The following C1S variants were observed in gnomAD, a reference collection of about 807,000 sequenced individuals.
The protein encoded by C1S is complement C1s subcomponent.
A neutral mutation model predicts 54.0 loss-of-function variants in C1S; 31 were observed. That is an observed-to-expected ratio of 0.57 (90% CI 0.43 to 0.78). C1S has a LOEUF of 0.78. Ranked by LOEUF, C1S falls within the 30% of genes least tolerant of loss-of-function variation. The pLI is 0.00. For synonymous variants in C1S, 292 were observed against 303.6 expected (o/e 0.96, Z 0.40); for missense variants, 727 against 851.8 (o/e 0.85, Z 1.82).
In C1S at chr12:7,070,453, G is replaced by A. The variant is rs1555163081; in HGVS notation, c.1869G>A (p.Lys623=). 2 of 1,614,248 alleles carry A rather than the reference G, an allele frequency of 1.2e-6. No individual in the cohort carries two copies. Among genetic ancestry groups the A allele is most frequent in the Admixed American group, 3.3e-5 (2 of 60,032 alleles). ...TPNMICAGGE[K]GMDSCKGDSG... is the part of the protein sequence containing the mutation. ...ACATGATCTGTGCTGGAGGAGAGAA[G>A]GGCATGGATAGCTGTAAAGGGGACA... The change falls in exon 12 of 12, where the codon AAG becomes AAA. Residue 623 remains lysine (K), a synonymous_variant. Transcript: ENST00000360817. The surrounding 1 kb of genome is among the most constrained non-coding windows in gnomAD (Gnocchi z 4.9).
intron 4 of C1S, chr12:7,063,481 A>G (rs1947127345): frequency 1.8e-5 from 7 of 394,236 alleles, no homozygotes; most frequent in African/African-American, 1.0e-4. Flanking sequence ...ATTTAAACCC[A>G]TTCAATATAT....
At position 7,069,913 on chromosome 12, in the gene C1S, T is replaced by C. The variant is rs1474881114; in HGVS notation, c.1329T>C (p.Asp443=). ...AACAGAGGATAATTGGAGGATCCGA[T>C]GCAGATATTAAAAACTTCCCCTGGC... ...EEKQRIIGGS[D]ADIKNFPWQV... is the part of the protein sequence containing the mutation. The change falls in exon 12 of 12, where the codon GAT becomes GAC. Residue 443 remains aspartate, a synonymous_variant. Coordinates refer to ENST00000360817, the MANE Select transcript of C1S (RefSeq NM_001734.5). 6.2e-6 allele frequency: 10 copies of C among 1,614,022 alleles called. No individual in the cohort carries two copies. The African/African-American group carries it at 1.3e-4, about 22-fold the overall frequency.
intron 5 of C1S, 142 bp from the exon 6 acceptor site, chr12:7,064,958 C>G (rs1490315021): frequency 3.4e-5 from 24 of 705,342 alleles, no homozygotes; most frequent in African/African-American, 5.3e-5. Flanking sequence ...TGTAATTGCT[C>G]TATCCCTCCA....
Position 7,068,573 on chromosome 12 carries a change from G to A in C1S, c.1270+43G>A, listed in dbSNP as rs73046137. 3.7e-6 allele frequency: 5 copies of A among 1,337,276 alleles called. No homozygotes were observed. In the South Asian group the frequency reaches 5.9e-5, roughly 16 times the overall value. 82.8% of individuals were successfully genotyped at this position (1,337,276 alleles called of 1,614,324 possible). A position where few individuals can be genotyped will look rare whatever the true frequency, so the allele number is the denominator to read the frequency against. ...TTGGGGAGAGATGATAGCCATGGGT[G>A]ACTGGGAGTCACCTTCTGAAAGCAA... is the stretch of plus-strand genomic sequence containing the variant. On this transcript the variant is annotated intron_variant, in intron 11 of 11. Transcript: ENST00000360817.
rs782328294 is a variant in C1S at position 7,070,207 on chromosome 12, G to A, written c.1623G>A (p.Met541Ile). The part of the protein sequence containing the change: ...ALVRLKDPVK[M>I]GPTVSPICLP... Reference sequence around the variant, plus strand: ...TGCGGCTGAAAGACCCAGTGAAAATGGGACCCACCGTCTCTCCCATCTGCC... The same window carrying A: ...TGCGGCTGAAAGACCCAGTGAAAATAGGACCCACCGTCTCTCCCATCTGCC... Residue 541 changes from methionine to isoleucine, a missense_variant, in exon 12 of 12, where the codon ATG (methionine) becomes ATA (isoleucine). Transcript: ENST00000360817. This position sits in a 1 kb window ranked among gnomAD's most constrained non-coding sequence, Gnocchi z 4.9. The A allele has an allele frequency of 4.3e-6, 7 of 1,614,024 alleles. No homozygotes were observed. Among genetic ancestry groups the A allele is most frequent in the Non-Finnish European group, 5.9e-6 (7 of 1,180,010 alleles).
In C1S at chr12:7,065,190, A is replaced by T; in HGVS notation, c.608A>T (p.Glu203Val). ...PKPYPENSRC[E>V]YQIRLEKGFQ... ...CCATATCCAGAGAACTCAAGGTGTG[A>T]ATACCAGATCCGGTTGGAGAAAGGG... Residue 203 changes from glutamate (E) to valine (V), a missense_variant, in exon 6 of 12, where the codon GAA (glutamate) becomes GTA (valine). Glu to Val is a moderately radical substitution (Grantham distance 121, BLOSUM62 -2). Transcript: ENST00000360817. The T allele has an allele frequency of 1.2e-6, 2 of 1,614,054 alleles. No homozygotes were observed. The highest frequency in any genetic ancestry group is 4.5e-5 in the East Asian group (2 of 44,884).
rs1172114431 is a variant in C1S, at chr12:7,060,847, C to A, written c.-105C>A. The A allele has an allele frequency of 6.6e-6, 1 of 152,322 alleles. No homozygotes were observed. The highest frequency in any genetic ancestry group is 1.5e-5 in the Non-Finnish European group (1 of 68,132). The allele number at this position is 152,322 out of a possible 1,614,324, so 9.4% of individuals were successfully genotyped here. ...ATGCCCACTGGCAGGAGAGAGGGAA[C>A]TGACCCACTTGCTCCTACCAGCTTC... On this transcript the variant is annotated 5_prime_UTR_variant, in exon 1 of 12. It adds an upstream start codon to the 5' untranslated region. Coordinates refer to ENST00000360817, the MANE Select transcript of C1S (RefSeq NM_001734.5).
intron 6 of C1S, 46 bp downstream of exon 6, chr12:7,065,345 G>T: frequency 1.4e-6 from 2 of 1,471,884 alleles, no homozygotes; most frequent in African/African-American, 2.8e-5. Context: ...TACACAGAGA[G>T]ATCTCTCCCT....
chr12:7,067,832 C>A, intron 10 of C1S, 61 bp downstream of exon 10: 1 of 1,528,944 alleles, frequency 6.5e-7, no homozygotes, highest in Non-Finnish European at 9.1e-7. Context: ...GGGTGGATAG[C>A]ATAATCTGTG....
Position 7,064,299 on chromosome 12 carries a change from C to A in C1S, c.424C>A (p.Pro142Thr), listed in dbSNP as rs782542532. 22 of 1,613,724 alleles carry A rather than the reference C, an allele frequency of 1.4e-5. No homozygotes were observed. The Admixed American group carries it at 1.7e-4, about 12-fold the overall frequency. ...TGAATGCACAGATTTTGTAGATGTC[C>A]CTTGTAGCCACTTCTGCAACAATTT... ...INECTDFVDVPCSHFCNNFIG... is the reference protein window; with the variant it reads ...INECTDFVDVTCSHFCNNFIG... The change falls in exon 5 of 12, where the codon CCT (proline) becomes ACT (threonine). Residue 142 changes from proline (P) to threonine (T), a missense_variant. Transcript: ENST00000360817.
intron 6 of C1S, 143 bp from the exon 7 acceptor site, chr12:7,065,674 G>T: frequency 1.3e-6 from 1 of 779,956 alleles, no homozygotes; most frequent in Non-Finnish European, 2.2e-6. Flanking sequence ...TCAGCCTGAA[G>T]ATAAAATTAT....
Position 7,070,586 on chromosome 12 carries a change from G to C in C1S, c.2002G>C (p.Val668Leu), listed in dbSNP as rs781811592. Residue 668 changes from valine (V) to leucine (L), a missense_variant, in exon 12 of 12, where the codon GTA (valine) becomes CTA (leucine). Val to Leu is a conservative substitution (Grantham distance 32). Coordinates refer to ENST00000360817, the MANE Select transcript of C1S (RefSeq NM_001734.5). This position sits in a 1 kb window ranked among gnomAD's most constrained non-coding sequence, Gnocchi z 4.9. ...TGGGACCTATGGGCTCTACACACGGGTAAAGAACTATGTTGACTGGATAAT... is the reference window on the plus strand; with the variant it reads ...TGGGACCTATGGGCTCTACACACGGCTAAAGAACTATGTTGACTGGATAAT... ...QCGTYGLYTR[V>L]KNYVDWIMKT... The C allele has an allele frequency of 1.5e-5, 24 of 1,614,158 alleles. No individual in the cohort carries two copies. The highest frequency in any genetic ancestry group is 2.0e-5 in the Non-Finnish European group (24 of 1,180,028).
At chr12:7,061,323 C>G (rs1391874893) in intron 1 of C1S, 4 of 164,556 alleles carry the variant, frequency 2.4e-5, no homozygotes, top group Non-Finnish European at 4.0e-5. Flanking sequence ...GTGAAAGAAG[C>G]TCCTGCCTCC....
chr12:7,061,821 A>C lies in C1S; in HGVS notation c.-74-18A>C, dbSNP rs373399454. ...TTGTGTTTGTCAGACAAATACAGCC[A>C]GGCCTGCCACCCCTTAGGCTCCAAA... On this transcript the variant is annotated intron_variant, in intron 1 of 11. Coordinates refer to ENST00000360817, the MANE Select transcript of C1S (RefSeq NM_001734.5). 2.1e-4 allele frequency: 298 copies of C among 1,419,220 alleles called. 1 individual carries two copies. The African/African-American group carries it at 3.7e-3, about 18-fold the overall frequency. 87.9% of individuals were successfully genotyped at this position (1,419,220 alleles called of 1,614,324 possible). A position where few individuals can be genotyped will look rare whatever the true frequency, so the allele number is the denominator to read the frequency against.
At position 7,067,718 on chromosome 12, in the gene C1S, T is replaced by G; in HGVS notation, c.1142T>G (p.Val381Gly). The change falls in exon 10 of 12, where the codon GTC becomes GGC. Residue 381 changes from valine to glycine, a missense_variant. Coordinates refer to ENST00000360817, the MANE Select transcript of C1S (RefSeq NM_001734.5). ...CCAGAGAGCACTTTGTTTGGTTCTGTCATCCGCTACACTTGTGAGGAGCCA... is the reference window on the plus strand; with the variant it reads ...CCAGAGAGCACTTTGTTTGGTTCTGGCATCCGCTACACTTGTGAGGAGCCA... ...EDPESTLFGS[V>G]IRYTCEEPYY... is the part of the protein sequence containing the mutation. The G allele has an allele frequency of 3.1e-6, 5 of 1,614,038 alleles. No homozygotes were observed. The East Asian group carries it at 1.1e-4, about 36-fold the overall frequency.
intron 11 of C1S, 79 bp from the exon 12 acceptor site, chr12:7,069,776 T>G: frequency 2.5e-6 from 3 of 1,207,760 alleles, no homozygotes; most frequent in Non-Finnish European, 3.7e-6. Context: ...GCAGGTAACA[T>G]TATGTGAGTG....
rs1470291640 is a variant in C1S at position 7,066,882 on chromosome 12, G to A, written c.988-157G>A. 5.0e-5 allele frequency: 36 copies of A among 721,114 alleles called. 1 individual carries two copies. The South Asian group carries it at 5.2e-4, about 10-fold the overall frequency. 44.7% of individuals were successfully genotyped at this position (721,114 alleles called of 1,614,324 possible). A position where few individuals can be genotyped will look rare whatever the true frequency, so the allele number is the denominator to read the frequency against. ...CACGTTGGGGCAAAGCTTTCTGTCA[G>A]CCTCATCTCCTGGGTGCTTTAGGTC... On this transcript the variant is annotated intron_variant, in intron 8 of 11. Coordinates refer to ENST00000360817, the MANE Select transcript of C1S (RefSeq NM_001734.5).
In C1S at chr12:7,065,893, G is replaced by T; in HGVS notation, c.794G>T (p.Ser265Ile). The T allele has an allele frequency of 6.2e-7, 1 of 1,613,152 alleles. No individual in the cohort carries two copies. Among genetic ancestry groups the T allele is most frequent in the Non-Finnish European group, 8.5e-7 (1 of 1,179,434 alleles). Residue 265 changes from serine to isoleucine, a missense_variant, in exon 7 of 12, where the codon AGT (serine) becomes ATT (isoleucine). By Grantham distance (142) the Ser-to-Ile change is moderately radical (BLOSUM62 -2). Transcript: ENST00000360817. ...GGGCCTCTAAATATTGAAACCAAGA[G>T]TAATGCTCTTGATATCATCTTCCAA... ...FPGPLNIETK[S>I]NALDIIFQTD...
At position 7,068,439 on chromosome 12, in the gene C1S, T is replaced by C. The variant is rs782064155; in HGVS notation, c.1196-17T>C. 1 of 1,596,478 alleles carries C rather than the reference T, an allele frequency of 6.3e-7. No individual in the cohort carries two copies. The highest frequency in any genetic ancestry group is 1.1e-5 in the South Asian group (1 of 90,746). The stretch of plus-strand genomic sequence containing the variant: ...ATGTGGTGGTGAGTGTGGCCTGTGT[T>C]CTCTGTGCTATTCCAGGGGAGTATC... On this transcript the variant is annotated splice_polypyrimidine_tract_variant and intron_variant, in intron 10 of 11. Transcript: ENST00000360817.
Sources: gnomAD v4.1 joint callset for allele counts on GRCh38, gnomAD v4.1.1 for gene constraint, Gnocchi (gnomAD v3.1) non-coding constraint, MANE v1.5 for transcripts, NCBI Gene and HGNC (gene_info 2026-07-23, HGNC 2026-07-21) for gene names.